The following GPM6B variants were observed in gnomAD, a reference collection of about 807,000 sequenced individuals.
The protein encoded by GPM6B is glycoprotein M6B.
GPM6B carries 4 observed loss-of-function variants against 27.2 expected under a neutral mutation model. The observed-to-expected ratio is 0.15, with a 90% CI of 0.07 to 0.34. The LOEUF is 0.34. GPM6B is among the 10% of genes least tolerant of loss of function. The pLI is 1.00. For missense variants in GPM6B, 183 were observed against 261.9 expected (o/e 0.70, Z 2.08); for synonymous variants, 124 against 103.1 (o/e 1.20, Z -1.23).
intron 1 of GPM6B, among the ~76,000 whole-genome samples, chrX:13,920,036 G>A (rs748506477): frequency 1.8e-5 from 2 of 110,705 alleles, no homozygotes; most frequent in African/African-American, 3.3e-5. Context: ...GGCCTAGGCA[G>A]GTGGACCACT....
intron 2 of GPM6B, among the ~76,000 whole-genome samples, chrX:13,787,770 G>A (rs1235514069): frequency 1.8e-5 from 2 of 111,550 alleles, no homozygotes; most frequent in African/African-American, 6.5e-5. Flanking sequence ...TAGAATCCTT[G>A]GCCTTGACGT....
intron 4 of GPM6B, chrX:13,780,790 G>T (rs1051103597): frequency 2.4e-5 from 4 of 163,324 alleles, no homozygotes; most frequent in Admixed American, 1.6e-4. Context: ...CCTCAAAAAC[G>T]TGGTATTTGT....
Position 13,842,888 on chromosome X carries a change from A to G in GPM6B, c.-197-57080T>C, listed in dbSNP as rs1455945408. On this transcript the variant is annotated intron_variant, in intron 1 of 6. Coordinates refer to the GPM6B transcript ENST00000398361. ...ACTCAACATATTTCTTTCACTGATT[A>G]CGATGAAGCCAAAACTCATTTTTTT... 4.5e-5 allele frequency among the ~76,000 whole-genome samples: 5 copies of G among 112,100 alleles called. No individual in the cohort carries two copies. The East Asian group carries it at 1.4e-3, about 31-fold the overall frequency.
intron 2 of GPM6B, among the ~76,000 whole-genome samples, chrX:13,787,566 A>C (rs1055423839): frequency 2.7e-5 from 3 of 112,061 alleles, no homozygotes; most frequent in African/African-American, 9.7e-5. Flanking sequence ...CAAAAAAAGA[A>C]AAAGGGAACC....
intron 1 of GPM6B, among the ~76,000 whole-genome samples, chrX:13,883,833 G>A (rs757624022): frequency 3.8e-5 from 4 of 105,068 alleles, no homozygotes; most frequent in East Asian, 3.0e-4. Flanking sequence ...GGGCGATAGC[G>A]TGAGACCCTG....
At position 13,852,642 on chromosome X, in the gene GPM6B, C is replaced by T. The variant is rs182127971; in HGVS notation, c.-197-66834G>A. ...TTCTATTAATCACATACAACTTCTT[C>T]GTTCTATTCTAGCTGCAGTCATTCC... On this transcript the variant is annotated intron_variant, in intron 1 of 6. Coordinates refer to the GPM6B transcript ENST00000398361. 1.4e-4 allele frequency among the ~76,000 whole-genome samples: 16 copies of T among 111,528 alleles called. No individual in the cohort carries two copies. In the East Asian group the frequency reaches 4.5e-3, roughly 31 times the overall value.
chrX:13,883,896 G>A (rs913516085), intron 1 of GPM6B, among the ~76,000 whole-genome samples: 4 of 110,438 alleles, frequency 3.6e-5, no homozygotes, highest in South Asian at 3.8e-4. Flanking sequence ...TTAATTTCAC[G>A]GCCAGGCGTG....
At chrX:13,846,044 G>A (rs1214385641) in intron 1 of GPM6B, among the ~76,000 whole-genome samples, 4 of 111,085 alleles carry the variant, frequency 3.6e-5, no homozygotes, top group South Asian at 7.7e-4. Flanking sequence ...CCAAAACCCC[G>A]TTCTCCATTC....
intron 1 of GPM6B, among the ~76,000 whole-genome samples, chrX:13,897,137 G>A (rs1336366484): frequency 8.9e-6 from 1 of 112,240 alleles, no homozygotes; most frequent in Admixed American, 9.4e-5. Flanking sequence ...GGCTCAGTCT[G>A]TAAAGTCCCA....
intron 1 of GPM6B, among the ~76,000 whole-genome samples, chrX:13,847,790 T>C (rs770749461): frequency 2.7e-5 from 3 of 112,184 alleles, no homozygotes; most frequent in South Asian, 3.7e-4. Flanking sequence ...CTAGATAAGA[T>C]TGGAGGTGTT....
At chrX:13,925,490 C>CTTTTTTT (rs57186854) in intron 1 of GPM6B, among the ~76,000 whole-genome samples, 1 of 79,865 alleles carries the variant, frequency 1.3e-5, no homozygotes, top group Non-Finnish European at 2.3e-5. Context: ...CCATGTCTGG[C>CTTTTTTT]TTTTTTTTTT....
chrX:13,872,092 C>A (rs1023521787), intron 1 of GPM6B, among the ~76,000 whole-genome samples: 2 of 107,941 alleles, frequency 1.9e-5, no homozygotes, highest in Non-Finnish European at 3.8e-5. Flanking sequence ...TGATCTGTTG[C>A]ATTTTGTATG....
intron 1 of GPM6B, among the ~76,000 whole-genome samples, chrX:13,909,252 T>C (rs2050357054): frequency 9.3e-6 from 1 of 107,552 alleles, no homozygotes; most frequent in South Asian, 4.2e-4. Context: ...GCCTCCTGAG[T>C]AGCTGGGATT....
chrX:13,872,377 C>T (rs2049988495), intron 1 of GPM6B, among the ~76,000 whole-genome samples: 1 of 109,836 alleles, frequency 9.1e-6, no homozygotes, highest in Non-Finnish European at 1.9e-5. Flanking sequence ...ACTATGTTGC[C>T]CAGGCTGGTC....
chrX:13,777,553 T>G, intron 5 of GPM6B, 128 bp from the exon 6 acceptor site: 1 of 482,713 alleles, frequency 2.1e-6, no homozygotes, highest in Non-Finnish European at 3.7e-6. Flanking sequence ...AATTGATGGA[T>G]CTGCTGTCTG....
At chrX:13,891,122 C>T (rs1254068547) in intron 1 of GPM6B, among the ~76,000 whole-genome samples, 3 of 110,494 alleles carry the variant, frequency 2.7e-5, no homozygotes, top group Non-Finnish European at 5.7e-5. Flanking sequence ...TCAGTTTTTG[C>T]CATTACTTTC....
intron 1 of GPM6B, among the ~76,000 whole-genome samples, chrX:13,915,286 A>T (rs1205075452): frequency 8.7e-5 from 4 of 45,767 alleles, no homozygotes; most frequent in Non-Finnish European, 3.0e-4. Flanking sequence ...TGTAAAAAAA[A>T]AAAAAAAAAA....
intron 2 of GPM6B, among the ~76,000 whole-genome samples, chrX:13,791,798 T>C (rs1393181523): frequency 9.0e-6 from 1 of 111,106 alleles, no homozygotes. Context: ...GTCTGTGATC[T>C]TGGCTGCAGA....
At chrX:13,868,189 T>TTGTGTGTGTGTG (rs59057250) in intron 1 of GPM6B, among the ~76,000 whole-genome samples, 16 of 106,884 alleles carry the variant, frequency 1.5e-4, no homozygotes, top group Non-Finnish European at 2.9e-4. Flanking sequence ...GACATTTAAA[T>TTGTGTGTGTGTG]TGTGTGTGTG....
Sources: allele counts gnomAD v4.1 joint callset (sites outside exome capture counted in the v4.1 genomes callset), GRCh38; gene constraint gnomAD v4.1.1; transcripts MANE v1.5; gene names NCBI Gene and HGNC (gene_info 2026-07-23, HGNC 2026-07-21).